Variants in EPHA7 observed in about 807,000 individuals in gnomAD.
EPHA7 encodes the protein EPH receptor A7, also known as ephrin type-A receptor 7.
A neutral mutation model predicts 112.6 loss-of-function variants in EPHA7; 25 were observed. The observed-to-expected ratio is 0.22, with a 90% CI of 0.16 to 0.31. The LOEUF (loss-of-function observed/expected upper bound fraction) is 0.31. EPHA7 is among the 10% of genes least tolerant of loss of function. EPHA7 has a pLI of 1.00. For missense variants in EPHA7, 962 were observed against 1,212.6 expected, an observed-to-expected ratio of 0.79 and a Z score of 3.07; for synonymous variants, 437 against 406.5, an observed-to-expected ratio of 1.07 and a Z score of -0.90.
intron 3 of EPHA7, among the ~76,000 whole-genome samples, chr6:93,361,139 T>G (rs1776241082): frequency 6.6e-6 from 1 of 152,116 alleles, no homozygotes; most frequent in African/African-American, 2.4e-5. Context: ...ATGGAATATA[T>G]GTATGACTAT....
intron 2 of EPHA7, among the ~76,000 whole-genome samples, chr6:93,413,015 AAATTC>A (rs1779051872): frequency 6.6e-6 from 1 of 152,028 alleles, no homozygotes; most frequent in South Asian, 2.1e-4. Context: ...GAGACTACAT[AAATTC>A]ATTTAACACA....
At chr6:93,341,511 G>A (rs1165537739) in intron 5 of EPHA7, among the ~76,000 whole-genome samples, 1 of 151,698 alleles carries the variant, frequency 6.6e-6, no homozygotes. Context: ...AAAAAGTGAG[G>A]TATCTATTAA....
At position 93,340,474 on chromosome 6, in the gene EPHA7, G is replaced by A. The variant is rs375688010; in HGVS notation, c.1324+16243C>T. Among the ~76,000 whole-genome samples the A allele has an allele frequency of 3.5e-4, 53 of 151,844 alleles. 1 individual carries two copies. Among genetic ancestry groups the A allele is most frequent in the African/African-American group, 1.2e-3 (49 of 41,512 alleles). The stretch of plus-strand genomic sequence containing the variant: ...AAAGTTAAAAAGAATTTTGAGCACC[G>A]AAATGATGCTCAAAGGAAATGCTCA... On this transcript the variant is annotated intron_variant, in intron 5 of 16. Transcript: ENST00000369303.
At chr6:93,339,010 T>G (rs1206611457) in intron 5 of EPHA7, among the ~76,000 whole-genome samples, 1 of 150,548 alleles carries the variant, frequency 6.6e-6, no homozygotes, top group African/African-American at 2.4e-5. Context: ...TGCACACATA[T>G]AATACCGTAG....
At chr6:93,282,966 G>C (rs1407243048) in intron 5 of EPHA7, among the ~76,000 whole-genome samples, 1 of 152,146 alleles carries the variant, frequency 6.6e-6, no homozygotes, top group Non-Finnish European at 1.5e-5. Flanking sequence ...TAGTCCCATC[G>C]ACCACCCAAG....
At chr6:93,400,311 TTAAAA>T (rs1343432411) in intron 3 of EPHA7, among the ~76,000 whole-genome samples, 3 of 152,102 alleles carry the variant, frequency 2.0e-5, no homozygotes, top group Non-Finnish European at 4.4e-5. Flanking sequence ...TAAACTACTA[TTAAAA>T]TAAACAGGGA....
At chr6:93,272,107 A>G (rs1413887407) in intron 6 of EPHA7, among the ~76,000 whole-genome samples, 191 bp downstream of exon 6, 1 of 151,906 alleles carries the variant, frequency 6.6e-6, no homozygotes, top group Admixed American at 6.6e-5. Flanking sequence ...CAGAAACTTA[A>G]TACACAGAAA....
chr6:93,317,798 G>A (rs1431322550), intron 5 of EPHA7, among the ~76,000 whole-genome samples: 2 of 152,102 alleles, frequency 1.3e-5, no homozygotes, highest in African/African-American at 4.8e-5. Context: ...TGTGAAGCTG[G>A]CTCCTGCTGC....
At chr6:93,268,725 C>T (rs1159555351) in intron 7 of EPHA7, among the ~76,000 whole-genome samples, 1 of 151,674 alleles carries the variant, frequency 6.6e-6, no homozygotes. Context: ...ACATCCATCC[C>T]AAGATATATC....
intron 5 of EPHA7, among the ~76,000 whole-genome samples, chr6:93,349,105 T>A (rs371690839): frequency 6.6e-6 from 1 of 151,812 alleles, no homozygotes; most frequent in East Asian, 1.9e-4. Context: ...ACTACATAAA[T>A]CCTGGTTATT....
chr6:93,255,958 T>C lies in EPHA7; in HGVS notation c.2252A>G (p.Asp751Gly). 6.2e-7 allele frequency: 1 copy of C among 1,614,046 alleles called. No individual in the cohort carries two copies. The highest frequency in any genetic ancestry group is 1.7e-5 in the Admixed American group (1 of 59,994). The change falls in exon 13 of 17, where the codon GAT becomes GGT. Residue 751 changes from aspartate (D) to glycine (G), a missense_variant. Around this residue, in one of 3 missense-constraint regions of EPHA7, gnomAD observed 746 missense variants for 889.2 expected, o/e 0.84. Transcript: ENST00000369303. The part of the protein sequence containing the change: ...GIAAGMRYLA[D>G]MGYVHRDLAA... ...AAGGTCCCTGTGAACATATCCCATA[T>C]CAGCCAAATATCTCATTCCAGCAGC...
At chr6:93,406,470 T>C (rs149649519) in intron 3 of EPHA7, among the ~76,000 whole-genome samples, 2 of 152,046 alleles carry the variant, frequency 1.3e-5, no homozygotes, top group East Asian at 3.9e-4. Flanking sequence ...TAAAATCTAC[T>C]GGGTAAAGTC....
Position 93,419,506 on chromosome 6 carries a change from C to G in EPHA7, c.-165G>C, listed in dbSNP as rs980038747. 3.4e-5 allele frequency: 20 copies of G among 588,692 alleles called. No homozygotes were observed. Among genetic ancestry groups the G allele is most frequent in the East Asian group, 3.0e-4 (10 of 32,788 alleles). 36.5% of individuals were successfully genotyped at this position (588,692 alleles called of 1,614,324 possible). ...GTTTAGCTTTTTTTAATTTCCCCCC[C>G]ACTCCTGTTCGCTCGCACCGTGTTT... On this transcript the variant is annotated 5_prime_UTR_variant, in exon 1 of 17. Coordinates refer to ENST00000369303, the MANE Select transcript of EPHA7 (RefSeq NM_004440.4).
chr6:93,345,333 C>T (rs77251841), intron 5 of EPHA7, among the ~76,000 whole-genome samples: 1,948 of 151,826 alleles, frequency 0.013, 35 homozygotes, highest in African/African-American at 0.045. Flanking sequence ...GATGTCAACA[C>T]GCTATGGATA....
chr6:93,406,400 A>G (rs1394323865), intron 3 of EPHA7, among the ~76,000 whole-genome samples: 1 of 151,822 alleles, frequency 6.6e-6, no homozygotes, highest in Admixed American at 6.6e-5. Flanking sequence ...CAATTATCCC[A>G]GGCATATCGG....
At chr6:93,322,128 G>A (rs758267819) in intron 5 of EPHA7, among the ~76,000 whole-genome samples, 8 of 151,506 alleles carry the variant, frequency 5.3e-5, no homozygotes, top group Admixed American at 1.3e-4. Context: ...ATGCATACAC[G>A]CACATATTTT....
intron 5 of EPHA7, among the ~76,000 whole-genome samples, chr6:93,321,409 T>A (rs1161507791): frequency 6.6e-6 from 1 of 151,936 alleles, no homozygotes; most frequent in Non-Finnish European, 1.5e-5. Flanking sequence ...AATTCCTGCA[T>A]ATGTATCTCT....
At chr6:93,350,372 T>C (rs1477014229) in intron 5 of EPHA7, among the ~76,000 whole-genome samples, 1 of 152,018 alleles carries the variant, frequency 6.6e-6, no homozygotes, top group Non-Finnish European at 1.5e-5. Flanking sequence ...GCATAAACAA[T>C]AATTTTGAGG....
Position 93,240,079 on chromosome 6 carries a change from T to C in EPHA7, c.*3347A>G, listed in dbSNP as rs751729933. ...TTTTAAGCTGGTAAAAAGAGACTTA[T>C]GATTCATGTTGAAGAAAGAGTTATT... On this transcript the variant is annotated 3_prime_UTR_variant, in exon 17 of 17. Transcript: ENST00000369303. The C allele has an allele frequency of 4.5e-6, 1 of 222,402 alleles. No homozygotes were observed. The allele number at this position is 222,402 out of a possible 1,614,324, so 13.8% of individuals were successfully genotyped here.
Sources: gnomAD v4.1 joint callset for allele counts (sites outside exome capture counted in the v4.1 genomes callset) on GRCh38, gnomAD v4.1.1 for gene constraint, gnomAD v4.1.1 regional missense constraint, MANE v1.5 for transcripts, NCBI Gene and HGNC (gene_info 2026-07-23, HGNC 2026-07-21) for gene names.